ABCD2: variants seen among roughly 807,000 people sequenced by gnomAD.
ABCD2 encodes the protein ATP binding cassette subfamily D member 2.
ABCD2 carries 36 observed loss-of-function variants against 70.9 expected under a neutral mutation model. The ratio of observed to expected loss-of-function variants is 0.51; its 90% CI spans 0.39 to 0.67. The LOEUF (loss-of-function observed/expected upper bound fraction) is 0.67, where lower values mean the gene tolerates loss of function less well. ABCD2 is among the 30% of genes least tolerant of loss of function. The probability of loss-of-function intolerance (pLI) is 0.00; values close to 1 mark genes in which losing one functional copy is unlikely to be tolerated. For missense variants in ABCD2, 729 were observed against 890.2 expected (o/e 0.82, Z 2.30); for synonymous variants, 304 against 306.9 (o/e 0.99, Z 0.10).
intron 2 of ABCD2, among the ~76,000 whole-genome samples, chr12:39,611,948 G>A (rs982594929): frequency 9.9e-5 from 15 of 152,016 alleles, no homozygotes; most frequent in Non-Finnish European, 1.8e-4. Context: ...TTACAGGCAC[G>A]TCATAACAAA....
intron 9 of ABCD2, among the ~76,000 whole-genome samples, chr12:39,558,793 G>A (rs1353921637): frequency 6.6e-6 from 1 of 151,886 alleles, no homozygotes; most frequent in Non-Finnish European, 1.5e-5. Context: ...ATAGCAGTAT[G>A]AAAATGAACT....
chr12:39,612,437 T>G (rs1290783594), intron 2 of ABCD2, among the ~76,000 whole-genome samples: 1 of 152,202 alleles, frequency 6.6e-6, no homozygotes, highest in Non-Finnish European at 1.5e-5. Context: ...CTGATGAAGC[T>G]CATAAGCATA....
intron 5 of ABCD2, 133 bp downstream of exon 5, chr12:39,603,779 C>A: frequency 1.9e-6 from 1 of 528,088 alleles, no homozygotes. Context: ...TGTAATTGAG[C>A]CACTGTGCAT....
At chr12:39,589,083 T>C (rs944246375) in intron 6 of ABCD2, among the ~76,000 whole-genome samples, 1 of 152,148 alleles carries the variant, frequency 6.6e-6, no homozygotes, top group African/African-American at 2.4e-5. Context: ...GGTAAAGGTG[T>C]ATGATTACTG....
At chr12:39,579,956 A>G (rs1231981662) in intron 7 of ABCD2, among the ~76,000 whole-genome samples, 5 of 152,140 alleles carry the variant, frequency 3.3e-5, no homozygotes, top group Non-Finnish European at 7.4e-5. Context: ...AGACCCAACA[A>G]ATTTTCATAT....
the ABCD2 span, among the ~76,000 whole-genome samples, chr12:39,540,295 C>T: frequency 1.3e-5 from 2 of 152,156 alleles, no homozygotes; most frequent in Non-Finnish European, 2.9e-5. Flanking sequence ...GCCCAAATTC[C>T]TACCTAAGGG....
At chr12:39,535,879 A>T in the ABCD2 span, among the ~76,000 whole-genome samples, 2 of 152,194 alleles carry the variant, frequency 1.3e-5, no homozygotes, top group African/African-American at 4.8e-5. Flanking sequence ...GCGGTGGCTC[A>T]TGCCTGTAAT....
chr12:39,582,524 T>C (rs1200155343), intron 7 of ABCD2, among the ~76,000 whole-genome samples: 1 of 152,198 alleles, frequency 6.6e-6, no homozygotes, highest in Admixed American at 6.5e-5. Flanking sequence ...GAATAGAATA[T>C]TTCATGTTTA....
Position 39,552,740 on chromosome 12 carries a change from A to G in ABCD2, c.*1172T>C, listed in dbSNP as rs1004792915. 4 of 151,982 alleles carry G rather than the reference A, an allele frequency of 2.6e-5. No homozygotes were observed. The highest frequency in any genetic ancestry group is 5.9e-5 in the Non-Finnish European group (4 of 67,890). 9.4% of individuals were successfully genotyped at this position (151,982 alleles called of 1,614,324 possible). Reference sequence around the variant, plus strand: ...TGTAAACAATAACCAAATAACAATAAGACTAACATTATGAAATTTATTTTA... The same window carrying G: ...TGTAAACAATAACCAAATAACAATAGGACTAACATTATGAAATTTATTTTA... On this transcript the variant is annotated 3_prime_UTR_variant, in exon 10 of 10. Coordinates refer to ENST00000308666, the MANE Select transcript of ABCD2 (RefSeq NM_005164.4).
At chr12:39,554,385 C>T (rs1591962338) in intron 9 of ABCD2, among the ~76,000 whole-genome samples, 1 of 151,962 alleles carries the variant, frequency 6.6e-6, no homozygotes, top group African/African-American at 2.4e-5. Context: ...GGAAGACATG[C>T]TGTTGCATGT....
At chr12:39,563,093 A>G (rs1382502322) in intron 9 of ABCD2, among the ~76,000 whole-genome samples, 1 of 152,224 alleles carries the variant, frequency 6.6e-6, no homozygotes, top group East Asian at 1.9e-4. Flanking sequence ...CAGAACAAGC[A>G]TTTGATAAAA....
the ABCD2 span, among the ~76,000 whole-genome samples, chr12:39,540,411 G>T: frequency 2.0e-5 from 3 of 152,190 alleles, no homozygotes; most frequent in South Asian, 6.2e-4. Flanking sequence ...ATAGCATTAC[G>T]TGACAAAGAA....
At chr12:39,602,625 A>T (rs1167944455) in intron 5 of ABCD2, among the ~76,000 whole-genome samples, 1 of 152,318 alleles carries the variant, frequency 6.6e-6, no homozygotes, top group South Asian at 2.1e-4. Flanking sequence ...TGAAGAAAGT[A>T]TACTTTACTA....
intron 2 of ABCD2, among the ~76,000 whole-genome samples, chr12:39,616,438 A>G (rs947507538): frequency 1.3e-5 from 2 of 152,142 alleles, no homozygotes; most frequent in Non-Finnish European, 2.9e-5. Context: ...ATCATGCTGC[A>G]TAAGAGGTTA....
At chr12:39,566,244 G>A (rs975815120) in intron 9 of ABCD2, among the ~76,000 whole-genome samples, 1 of 152,184 alleles carries the variant, frequency 6.6e-6, no homozygotes, top group Non-Finnish European at 1.5e-5. Flanking sequence ...ATTCGGCTGT[G>A]AATCCGTCTG....
At chr12:39,569,135 C>G (rs1941406664) in intron 9 of ABCD2, among the ~76,000 whole-genome samples, 1 of 152,218 alleles carries the variant, frequency 6.6e-6, no homozygotes, top group Non-Finnish European at 1.5e-5. Flanking sequence ...GCTGTGAGAA[C>G]CACTGCTCTC....
At chr12:39,590,643 C>T (rs1433077021) in intron 6 of ABCD2, among the ~76,000 whole-genome samples, 3 of 151,922 alleles carry the variant, frequency 2.0e-5, no homozygotes, top group African/African-American at 7.2e-5. Flanking sequence ...AGATAAAATT[C>T]ATTCCCCATG....
At position 39,566,843 on chromosome 12, in the gene ABCD2, T is replaced by C. The variant is rs1375261269; in HGVS notation, c.2003+6873A>G. 3.9e-5 allele frequency among the ~76,000 whole-genome samples: 6 copies of C among 152,332 alleles called. No homozygotes were observed. The East Asian group carries it at 1.2e-3, about 29-fold the overall frequency. On this transcript the variant is annotated intron_variant, in intron 9 of 9. Transcript: ENST00000308666. ...CTGGTACGTTGTGTCTTTGTTCTCA[T>C]TGGTTTCAAAGAATATCTTTATTTC...
At chr12:39,613,941 G>A (rs1291732941) in intron 2 of ABCD2, among the ~76,000 whole-genome samples, 1 of 152,110 alleles carries the variant, frequency 6.6e-6, no homozygotes, top group African/African-American at 2.4e-5. Flanking sequence ...AAATTATGCG[G>A]GTTCTTCCTT....
Sources: allele counts gnomAD v4.1 joint callset (sites outside exome capture counted in the v4.1 genomes callset), GRCh38; gene constraint gnomAD v4.1.1; transcripts MANE v1.5; gene names NCBI Gene and HGNC (gene_info 2026-07-23, HGNC 2026-07-21).